The following ADORA1 variants were observed in gnomAD, a reference collection of about 807,000 sequenced individuals.
ADORA1 encodes the protein adenosine A1 receptor.
In ADORA1, 6 loss-of-function variants were observed where a neutral mutation model predicts 19.9. The ratio of observed to expected loss-of-function variants is 0.30; its 90% confidence interval spans 0.17 to 0.59. The LOEUF (loss-of-function observed/expected upper bound fraction) is 0.59. Ranked by LOEUF, ADORA1 falls within the 20% of genes least tolerant of loss-of-function variation. The probability of loss-of-function intolerance (pLI) is 0.87; values close to 1 mark genes in which losing one functional copy is unlikely to be tolerated. For missense variants in ADORA1, 302 were observed against 439.2 expected (o/e 0.69, Z 2.79); for synonymous variants, 194 against 188.4 (o/e 1.03, Z -0.24).
intron 3 of ADORA1, among the ~76,000 whole-genome samples, chr1:203,159,802 AG>A (rs1655306693): frequency 6.6e-6 from 1 of 152,228 alleles, no homozygotes; most frequent in East Asian, 1.9e-4. Flanking sequence ...TGAAAGGGTG[AG>A]TCTCAACTGC....
intron 3 of ADORA1, among the ~76,000 whole-genome samples, chr1:203,159,615 C>T (rs540511581): frequency 2.0e-5 from 3 of 152,276 alleles, no homozygotes; most frequent in African/African-American, 4.8e-5. Context: ...CCTCTTATTT[C>T]GCTTGGTAGG....
intron 3 of ADORA1, among the ~76,000 whole-genome samples, chr1:203,130,298 A>AT (rs1258720571): frequency 6.6e-6 from 1 of 151,978 alleles, no homozygotes; most frequent in Non-Finnish European, 1.5e-5. Context: ...TACATGCATG[A>AT]TTTTTTCCTG....
At chr1:203,133,631 C>T (rs2102736569) in intron 3 of ADORA1, among the ~76,000 whole-genome samples, 1 of 152,344 alleles carries the variant, frequency 6.6e-6, no homozygotes, top group South Asian at 2.1e-4. Context: ...TTTTTCTCCT[C>T]TGATCTTTGC....
intron 3 of ADORA1, among the ~76,000 whole-genome samples, chr1:203,146,855 T>C (rs1395475822): frequency 6.6e-6 from 1 of 152,166 alleles, no homozygotes; most frequent in Non-Finnish European, 1.5e-5. Context: ...TCAGGAGGTG[T>C]TGCTAGCATC....
chr1:203,128,838 C>T lies in ADORA1; in HGVS notation c.-4C>T, dbSNP rs369808639. The stretch of plus-strand genomic sequence containing the variant: ...TCTGCTGATGTGCCCAGCCTGTGCC[C>T]GCCATGCCGCCCTCCATCTCAGCTT... On this transcript the variant is annotated 5_prime_UTR_variant, in exon 3 of 4. Coordinates refer to ENST00000337894, the MANE Select transcript of ADORA1 (RefSeq NM_000674.3). The surrounding 1 kb of genome is among the most constrained non-coding windows in gnomAD (Gnocchi z 5.9). The T allele has an allele frequency of 6.3e-7, 1 of 1,586,928 alleles. No individual in the cohort carries two copies. Among genetic ancestry groups the T allele is most frequent in the Admixed American group, 1.7e-5 (1 of 59,238 alleles).
chr1:203,160,784 C>A (rs954228201), intron 3 of ADORA1, among the ~76,000 whole-genome samples: 41 of 152,144 alleles, frequency 2.7e-4, no homozygotes, highest in Admixed American at 6.5e-5. Flanking sequence ...GCACTCCAGC[C>A]TAGGAGACAG....
intron 3 of ADORA1, among the ~76,000 whole-genome samples, chr1:203,158,550 A>AT (rs1655264928): frequency 6.6e-6 from 1 of 152,150 alleles, no homozygotes; most frequent in African/African-American, 2.4e-5. Context: ...CAGTCTGGGC[A>AT]TTTTTTAGCC....
intron 3 of ADORA1, chr1:203,144,666 G>A (rs528059273): frequency 6.6e-6 from 1 of 152,274 alleles, no homozygotes; most frequent in South Asian, 2.1e-4. Flanking sequence ...CTTGCTGCTG[G>A]GTGACCTTGA....
At position 203,128,890 on chromosome 1, in the gene ADORA1, G is replaced by A. The variant is rs1484675724; in HGVS notation, c.49G>A (p.Val17Met). ...CCAGGCCGCCTACATCGGCATCGAG[G>A]TGCTCATCGCCCTGGTCTCTGTGCC... ...AFQAAYIGIE[V>M]LIALVSVPGN... The change falls in exon 3 of 4, where the codon GTG becomes ATG. Residue 17 changes from valine (V) to methionine (M), a missense_variant. Val to Met is a conservative substitution (Grantham distance 21, BLOSUM62 1). Transcript: ENST00000337894. The surrounding 1 kb of genome is among the most constrained non-coding windows in gnomAD (Gnocchi z 5.9). The A allele has an allele frequency of 2.5e-6, 4 of 1,612,310 alleles. No individual in the cohort carries two copies. The highest frequency in any genetic ancestry group is 3.4e-6 in the Non-Finnish European group (4 of 1,179,774).
rs200347485 is a variant in ADORA1 at position 203,165,238 on chromosome 1, C to T, written c.342-23C>T. ...GAGGCAGCTGGGAGGCAGATCCTCA[C>T]ACTCTGCCCTCCTCTCCCCCAGGTA... is the stretch of plus-strand genomic sequence containing the variant. On this transcript the variant is annotated intron_variant, in intron 3 of 3. Coordinates refer to ENST00000337894, the MANE Select transcript of ADORA1 (RefSeq NM_000674.3). This position sits in a 1 kb window ranked among gnomAD's most constrained non-coding sequence, Gnocchi z 5.9. The T allele has an allele frequency of 2.9e-4, 465 of 1,597,204 alleles. 6 individuals carry two copies. In the East Asian group the frequency reaches 5.6e-3, roughly 19 times the overall value.
At chr1:203,151,084 G>C (rs1655017092) in intron 3 of ADORA1, among the ~76,000 whole-genome samples, 1 of 152,190 alleles carries the variant, frequency 6.6e-6, no homozygotes, top group African/African-American at 2.4e-5. Context: ...CAGTTCCTTG[G>C]TGGAAACAGG....
intron 3 of ADORA1, among the ~76,000 whole-genome samples, chr1:203,131,695 G>T (rs889689124): frequency 1.3e-5 from 2 of 152,146 alleles, no homozygotes; most frequent in Non-Finnish European, 2.9e-5. Context: ...AAGGCTGCTG[G>T]GGCCTCACTT....
At chr1:203,133,839 T>G (rs1372353191) in intron 3 of ADORA1, among the ~76,000 whole-genome samples, 4 of 152,196 alleles carry the variant, frequency 2.6e-5, no homozygotes, top group African/African-American at 9.7e-5. Context: ...GAAAGAAATC[T>G]GGTAAATTAG....
Position 203,165,142 on chromosome 1 carries a change from C to T in ADORA1, c.342-119C>T, listed in dbSNP as rs775010825. The T allele has an allele frequency of 1.2e-5, 19 of 1,567,210 alleles. No homozygotes were observed. Among genetic ancestry groups the T allele is most frequent in the Admixed American group, 1.9e-5 (1 of 52,646 alleles). On this transcript the variant is annotated intron_variant, in intron 3 of 3. Coordinates refer to ENST00000337894, the MANE Select transcript of ADORA1 (RefSeq NM_000674.3). The surrounding 1 kb of genome is among the most constrained non-coding windows in gnomAD (Gnocchi z 5.9). ...AAAAGACATGCACCTCCCCACTCAC[C>T]GGGCCCTGGAAGAGGAGGGTGCTCC...
At chr1:203,152,887 G>A (rs1655082720) in intron 3 of ADORA1, 1 of 152,180 alleles carries the variant, frequency 6.6e-6, no homozygotes, top group Admixed American at 6.5e-5. Flanking sequence ...TGATACCTTG[G>A]CCTTCTGGCT....
chr1:203,145,614 C>T (rs1189760211), intron 3 of ADORA1, among the ~76,000 whole-genome samples: 1 of 152,244 alleles, frequency 6.6e-6, no homozygotes, highest in South Asian at 2.1e-4. Context: ...CCAGTCCCAG[C>T]TCTGCCACCT....
At chr1:203,155,578 T>C (rs1278324377) in intron 3 of ADORA1, among the ~76,000 whole-genome samples, 4 of 152,156 alleles carry the variant, frequency 2.6e-5, no homozygotes. Flanking sequence ...GGAATTAGCA[T>C]GAGATGAAGG....
Position 203,136,194 on chromosome 1 carries a change from C to T in ADORA1, c.341+7012C>T, listed in dbSNP as rs114611929. ...GCCCAGAGGGAACTATCAGCTGCCG[C>T]AGTCCAAAGAAAAGCCTGGCAGGCA... On this transcript the variant is annotated intron_variant, in intron 3 of 3. Coordinates refer to ENST00000337894, the MANE Select transcript of ADORA1 (RefSeq NM_000674.3). Among the ~76,000 whole-genome samples, 525 of 152,260 alleles carry T rather than the reference C, an allele frequency of 3.4e-3. 2 individuals are homozygous for T. The highest frequency in any genetic ancestry group is 0.012 in the African/African-American group (496 of 41,538).
chr1:203,146,218 C>A (rs1009236949), intron 3 of ADORA1, among the ~76,000 whole-genome samples: 3 of 152,132 alleles, frequency 2.0e-5, no homozygotes, highest in African/African-American at 7.2e-5. Context: ...GGTGGCACTG[C>A]GTGACTTCTT....
Sources: gnomAD v4.1 joint callset for allele counts (sites outside exome capture counted in the v4.1 genomes callset) on GRCh38, gnomAD v4.1.1 for gene constraint, Gnocchi (gnomAD v3.1) non-coding constraint, MANE v1.5 for transcripts, NCBI Gene and HGNC (gene_info 2026-07-23, HGNC 2026-07-21) for gene names.